The following TRPC7 variants were observed in gnomAD, a reference collection of about 807,000 sequenced individuals.
TRPC7 encodes transient receptor potential cation channel subfamily C member 7.
In TRPC7, 42 loss-of-function variants were observed where a neutral mutation model predicts 90.1. That is an observed-to-expected ratio of 0.47 (90% CI 0.36 to 0.60). The LOEUF is 0.60. Ranked by LOEUF, TRPC7 falls within the 20% of genes least tolerant of loss-of-function variation. The pLI, the probability that TRPC7 is intolerant of heterozygous loss-of-function variation, is 0.00. For synonymous variants in TRPC7, 451 were observed against 436.3 expected (o/e 1.03, Z -0.42); for missense variants, 955 against 1,112.3 (o/e 0.86, Z 2.01).
At chr5:136,312,087 G>A (rs776441435) in intron 3 of TRPC7, among the ~76,000 whole-genome samples, 9 of 152,110 alleles carry the variant, frequency 5.9e-5, no homozygotes, top group Non-Finnish European at 1.2e-4. Context: ...ATAAGTGTTT[G>A]GACCTGGGAC....
In TRPC7 at chr5:136,266,219, C is replaced by T; in HGVS notation, c.1345+1G>A. 1 of 1,612,742 alleles carries T rather than the reference C, an allele frequency of 6.2e-7. No individual in the cohort carries two copies. The highest frequency in any genetic ancestry group is 8.5e-7 in the Non-Finnish European group (1 of 1,178,800). On this transcript the variant is annotated splice_donor_variant, in intron 5 of 11. Coordinates refer to ENST00000513104, the MANE Select transcript of TRPC7 (RefSeq NM_020389.3). LOFTEE classifies it high-confidence loss of function. The stretch of plus-strand genomic sequence containing the variant: ...GAATAAAAATAGAGTGACTTGCTTA[C>T]CTAAGACCCACTTCATAATGAGCAT...
intron 3 of TRPC7, among the ~76,000 whole-genome samples, chr5:136,305,501 C>T (rs544319153): frequency 2.6e-5 from 4 of 152,158 alleles, no homozygotes; most frequent in Admixed American, 2.0e-4. Context: ...ACATCAAGCT[C>T]GAGGATTTTC....
At chr5:136,332,753 G>A (rs1174144180) in intron 2 of TRPC7, among the ~76,000 whole-genome samples, 1 of 152,212 alleles carries the variant, frequency 6.6e-6, no homozygotes, top group African/African-American at 2.4e-5. Context: ...CATGCACTAG[G>A]AGAGGTTTCA....
At chr5:136,303,011 G>A (rs1162895950) in intron 3 of TRPC7, among the ~76,000 whole-genome samples, 1 of 151,840 alleles carries the variant, frequency 6.6e-6, no homozygotes, top group Non-Finnish European at 1.5e-5. Context: ...CTCAGCCTCC[G>A]CTCCTCCACC....
chr5:136,235,440 C>G (rs926941089), intron 7 of TRPC7, among the ~76,000 whole-genome samples: 3 of 152,096 alleles, frequency 2.0e-5, no homozygotes, highest in Non-Finnish European at 4.4e-5. Flanking sequence ...CCTTGGGCAC[C>G]CATAGTAATA....
At chr5:136,311,236 A>G (rs1402570085) in intron 3 of TRPC7, among the ~76,000 whole-genome samples, 1 of 152,114 alleles carries the variant, frequency 6.6e-6, no homozygotes, top group Non-Finnish European at 1.5e-5. Flanking sequence ...AGGAAGGAGG[A>G]GGGAATGGTG....
chr5:136,359,348 T>C (rs1030495438), intron 1 of TRPC7, among the ~76,000 whole-genome samples: 24 of 152,294 alleles, frequency 1.6e-4, no homozygotes, highest in Admixed American at 6.5e-4. Flanking sequence ...AAAAGAATAA[T>C]TATGGGCAAC....
At chr5:136,237,993 C>CGAGG (rs527299171) in intron 7 of TRPC7, among the ~76,000 whole-genome samples, 545 of 152,250 alleles carry the variant, frequency 3.6e-3, no homozygotes, top group African/African-American at 0.01. Context: ...TGGTTCCTCC[C>CGAGG]GCCTCCTGGA....
chr5:136,268,049 A>G (rs950991615), intron 4 of TRPC7, among the ~76,000 whole-genome samples: 1 of 152,246 alleles, frequency 6.6e-6, no homozygotes, highest in Non-Finnish European at 1.5e-5. Flanking sequence ...GTAAGGACAA[A>G]TAAAACATTT....
chr5:136,329,193 T>C (rs1024070954), intron 2 of TRPC7, among the ~76,000 whole-genome samples: 1 of 152,190 alleles, frequency 6.6e-6, no homozygotes, highest in Non-Finnish European at 1.5e-5. Context: ...AAGTCCCCTC[T>C]GTTAGATTCA....
intron 4 of TRPC7, among the ~76,000 whole-genome samples, chr5:136,270,845 G>A (rs955704601): frequency 1.3e-5 from 2 of 152,210 alleles, no homozygotes; most frequent in African/African-American, 2.4e-5. Context: ...CTTGGGAACA[G>A]AAGCATTGGT....
intron 3 of TRPC7, among the ~76,000 whole-genome samples, chr5:136,301,524 C>T (rs556620347): frequency 3.9e-5 from 6 of 151,924 alleles, no homozygotes; most frequent in Admixed American, 6.6e-5. Context: ...TTCTGCCCCA[C>T]CCTAACTGAT....
chr5:136,344,316 G>A (rs894176965), intron 2 of TRPC7, among the ~76,000 whole-genome samples: 5 of 152,180 alleles, frequency 3.3e-5, no homozygotes, highest in East Asian at 1.9e-4. Context: ...ACTACCTATC[G>A]GGTAGTTTTT....
At chr5:136,249,513 G>A (rs934190891) in intron 6 of TRPC7, among the ~76,000 whole-genome samples, 14 of 152,086 alleles carry the variant, frequency 9.2e-5, no homozygotes, top group Non-Finnish European at 1.9e-4. Flanking sequence ...AACTTCTCCC[G>A]TTAAACAGAA....
chr5:136,339,098 C>T (rs780912636), intron 2 of TRPC7, among the ~76,000 whole-genome samples: 8 of 152,090 alleles, frequency 5.3e-5, no homozygotes, highest in Non-Finnish European at 1.2e-4. Flanking sequence ...TTAGACTATG[C>T]AAATGGAATC....
chr5:136,285,093 G>C (rs995426386), intron 3 of TRPC7, among the ~76,000 whole-genome samples: 1 of 152,264 alleles, frequency 6.6e-6, no homozygotes, highest in South Asian at 2.1e-4. Context: ...TCAGAACCTG[G>C]CATGTTAGGA....
At chr5:136,254,410 T>C (rs1316889975) in intron 5 of TRPC7, among the ~76,000 whole-genome samples, 2 of 152,214 alleles carry the variant, frequency 1.3e-5, no homozygotes, top group South Asian at 2.1e-4. Flanking sequence ...CCAGTGTTCA[T>C]GTACCATTCC....
Position 136,341,895 on chromosome 5 carries a change from A to G in TRPC7, c.780+14713T>C, listed in dbSNP as rs76376484. On this transcript the variant is annotated intron_variant, in intron 2 of 11. Transcript: ENST00000513104. ...TGGCTTAATTCACCTGAAATATATT[A>G]TGCATATCTGGGCCATGTTGCTGAA... 2.0e-3 allele frequency among the ~76,000 whole-genome samples: 297 copies of G among 152,260 alleles called. 1 individual carries two copies. The highest frequency in any genetic ancestry group is 6.5e-3 in the African/African-American group (270 of 41,544).
chr5:136,304,684 C>T (rs954385649), intron 3 of TRPC7, among the ~76,000 whole-genome samples: 3 of 152,212 alleles, frequency 2.0e-5, no homozygotes, highest in Admixed American at 6.5e-5. Flanking sequence ...CAAGGCTTCA[C>T]AGACAGCCCC....
Sources: allele counts gnomAD v4.1 joint callset (sites outside exome capture counted in the v4.1 genomes callset), GRCh38; gene constraint gnomAD v4.1.1; transcripts MANE v1.5; gene names NCBI Gene and HGNC (gene_info 2026-07-23, HGNC 2026-07-21).